The following AUTS2 variants were observed in gnomAD, a reference collection of about 807,000 sequenced individuals.
AUTS2 encodes activator of transcription and developmental regulator AUTS2, also known as autism susceptibility gene 2 protein.
In AUTS2, 17 loss-of-function variants were observed where a neutral mutation model predicts 112.4. That is an observed-to-expected ratio of 0.15 (90% CI 0.10 to 0.23). The LOEUF is 0.23. Among genes scored for constraint, AUTS2 ranks in the 10% least tolerant of loss-of-function variants. AUTS2 has a pLI of 1.00. For missense variants in AUTS2, 1,510 were observed against 1,701.6 expected (o/e 0.89, Z 1.98); for synonymous variants, 751 against 702.7 (o/e 1.07, Z -1.09).
At chr7:70,082,338 A>G (rs1484013097) in intron 2 of AUTS2, among the ~76,000 whole-genome samples, 3 of 152,182 alleles carry the variant, frequency 2.0e-5, no homozygotes, top group Admixed American at 2.0e-4. Flanking sequence ...AAATCATCCT[A>G]AGTTTGGGAG....
intron 2 of AUTS2, among the ~76,000 whole-genome samples, chr7:69,919,772 A>G (rs952383332): frequency 6.6e-6 from 1 of 152,140 alleles, no homozygotes; most frequent in Admixed American, 6.6e-5. Flanking sequence ...AAAATTGAGA[A>G]AAAAAAGTAG....
At chr7:69,960,609 T>C (rs995890583) in intron 2 of AUTS2, among the ~76,000 whole-genome samples, 5 of 152,170 alleles carry the variant, frequency 3.3e-5, no homozygotes, top group Admixed American at 1.3e-4. Context: ...AGACACAATA[T>C]CGAACTTCAG....
At chr7:69,655,379 T>C (rs990011882) in intron 1 of AUTS2, among the ~76,000 whole-genome samples, 17 of 97,378 alleles carry the variant, frequency 1.7e-4, no homozygotes, top group Admixed American at 1.0e-4. Flanking sequence ...CCTGACTTTC[T>C]AGTTTTTTGT....
At chr7:70,433,964 G>A (rs1452143671) in intron 4 of AUTS2, among the ~76,000 whole-genome samples, 1 of 152,210 alleles carries the variant, frequency 6.6e-6, no homozygotes, top group Non-Finnish European at 1.5e-5. Context: ...GAGGCAGGCT[G>A]CCCTGAGATG....
rs913189994 is a variant in AUTS2, at chr7:69,598,742, C to T, written c.-912C>T. On this transcript the variant is annotated 5_prime_UTR_variant, in exon 1 of 19. Coordinates refer to ENST00000342771, the MANE Select transcript of AUTS2 (RefSeq NM_015570.4). Reference sequence around the variant, plus strand: ...CCTCCCTTTTTTGAGGAAGGGTGACCTCTTCTCTGGGACTGGAAAAAATAT... The same window carrying T: ...CCTCCCTTTTTTGAGGAAGGGTGACTTCTTCTCTGGGACTGGAAAAAATAT... 1 of 153,624 alleles carries T rather than the reference C, an allele frequency of 6.5e-6. No homozygotes were observed. The highest frequency in any genetic ancestry group is 2.4e-5 in the African/African-American group (1 of 41,412). The allele number at this position is 153,624 out of a possible 1,614,324, so 9.5% of individuals were successfully genotyped here.
intron 5 of AUTS2, among the ~76,000 whole-genome samples, chr7:70,520,408 A>G (rs1364456377): frequency 6.6e-6 from 1 of 152,080 alleles, no homozygotes; most frequent in African/African-American, 2.4e-5. Flanking sequence ...TTTCCTGGAA[A>G]ACGCTAAATA....
intron 2 of AUTS2, among the ~76,000 whole-genome samples, chr7:70,043,585 CTTCCTTCCTTCCTTCCTTCCT>C (rs1584627413): frequency 1.8e-5 from 2 of 113,950 alleles, no homozygotes; most frequent in Non-Finnish European, 3.5e-5. Context: ...TCCTTCCTTC[CTTCCTTCCTTCCTTCCTTCCT>C]TTTTTTTTTT....
chr7:70,114,962 G>C (rs1385324033), intron 2 of AUTS2, among the ~76,000 whole-genome samples: 2 of 152,104 alleles, frequency 1.3e-5, no homozygotes, highest in Admixed American at 1.3e-4. Flanking sequence ...CTTTAAACTT[G>C]AGCCTGGCTT....
chr7:70,606,728 G>A (rs2129531760), intron 5 of AUTS2, among the ~76,000 whole-genome samples: 1 of 152,194 alleles, frequency 6.6e-6, no homozygotes, highest in Non-Finnish European at 1.5e-5. Context: ...CAGGCGTGGT[G>A]ATGCACACTT....
At chr7:70,590,641 C>A (rs79649838) in intron 5 of AUTS2, among the ~76,000 whole-genome samples, 2 of 152,096 alleles carry the variant, frequency 1.3e-5, no homozygotes, top group Non-Finnish European at 2.9e-5. Flanking sequence ...TCTGTTAAAT[C>A]GTAAATACAC....
At chr7:70,418,105 G>GTC (rs1795065079) in intron 4 of AUTS2, among the ~76,000 whole-genome samples, 1 of 149,568 alleles carries the variant, frequency 6.7e-6, no homozygotes, top group Non-Finnish European at 1.5e-5. Context: ...GTGTGTGTGT[G>GTC]TGTGTGTCTG....
chr7:69,721,289 C>G (rs1798921667), intron 1 of AUTS2, among the ~76,000 whole-genome samples: 2 of 152,212 alleles, frequency 1.3e-5, no homozygotes, highest in Admixed American at 1.3e-4. Context: ...TGCTCTTACC[C>G]TCAAGCCTCC....
At chr7:70,392,511 C>G (rs922162896) in intron 4 of AUTS2, among the ~76,000 whole-genome samples, 1 of 152,178 alleles carries the variant, frequency 6.6e-6, no homozygotes, top group African/African-American at 2.4e-5. Context: ...GGACTAATGA[C>G]TCAACATAGT....
rs1169432869 is a variant in AUTS2 at position 70,766,473 on chromosome 7, T to C, written c.1689+139T>C. On this transcript the variant is annotated intron_variant, in intron 9 of 18. Coordinates refer to ENST00000342771, the MANE Select transcript of AUTS2 (RefSeq NM_015570.4). The surrounding 1 kb of genome is among the most constrained non-coding windows in gnomAD (Gnocchi z 4.8). ...GCTGTTGGCTGGAGAGAAGGGAATG[T>C]GTCCTAGTGCCCTGCCTCAGGCAGC... The C allele has an allele frequency of 2.7e-6, 3 of 1,120,922 alleles. No homozygotes were observed. The highest frequency in any genetic ancestry group is 1.9e-5 in the Admixed American group (1 of 52,136). 69.4% of individuals were successfully genotyped at this position (1,120,922 alleles called of 1,614,324 possible). A position where few individuals can be genotyped will look rare whatever the true frequency, so the allele number is the denominator to read the frequency against.
intron 4 of AUTS2, among the ~76,000 whole-genome samples, chr7:70,159,709 G>A (rs1328902726): frequency 6.6e-6 from 1 of 152,096 alleles, no homozygotes; most frequent in African/African-American, 2.4e-5. Context: ...TATACAGACT[G>A]TGTTACTTAT....
intron 4 of AUTS2, among the ~76,000 whole-genome samples, chr7:70,328,623 G>A (rs778850218): frequency 4.6e-4 from 70 of 152,248 alleles, no homozygotes; most frequent in Middle Eastern, 6.8e-3. Flanking sequence ...ATGCTTGGAA[G>A]TTGTAGACCT....
At chr7:70,398,654 A>T (rs916926421) in intron 4 of AUTS2, among the ~76,000 whole-genome samples, 2 of 152,182 alleles carry the variant, frequency 1.3e-5, no homozygotes, top group East Asian at 3.8e-4. Context: ...CTACATAGAT[A>T]GTTATTATGC....
intron 5 of AUTS2, among the ~76,000 whole-genome samples, chr7:70,601,208 C>T (rs1350593889): frequency 6.6e-6 from 1 of 152,164 alleles, no homozygotes; most frequent in Non-Finnish European, 1.5e-5. Flanking sequence ...TTTATTATAG[C>T]CATTCTAGTG....
intron 5 of AUTS2, among the ~76,000 whole-genome samples, chr7:70,628,705 G>A (rs929377367): frequency 3.1e-4 from 47 of 152,220 alleles, no homozygotes; most frequent in Admixed American, 2.6e-3. Flanking sequence ...ACTGGAGCAG[G>A]GAGACCAGTT....
Sources: gnomAD v4.1 joint callset for allele counts (sites outside exome capture counted in the v4.1 genomes callset) on GRCh38, gnomAD v4.1.1 for gene constraint, Gnocchi (gnomAD v3.1) non-coding constraint, MANE v1.5 for transcripts, NCBI Gene and HGNC (gene_info 2026-07-23, HGNC 2026-07-21) for gene names.